Variants in IL12RB2 observed in about 807,000 individuals in gnomAD.
IL12RB2 encodes interleukin-12 receptor subunit beta-2.
A neutral mutation model predicts 89.4 loss-of-function variants in IL12RB2; 82 were observed. The ratio of observed to expected loss-of-function variants is 0.92; its 90% confidence interval spans 0.77 to 1.10. The LOEUF is 1.10. IL12RB2 is among the 50% of genes least tolerant of loss of function. IL12RB2 has a pLI of 0.00. For missense variants in IL12RB2, 963 were observed against 1,031.9 expected (o/e 0.93, Z 0.92); for synonymous variants, 368 against 370.1 (o/e 0.99, Z 0.07).
chr1:67,325,385 C>T (rs989839011), intron 4 of IL12RB2, among the ~76,000 whole-genome samples: 7 of 150,876 alleles, frequency 4.6e-5, no homozygotes, highest in Non-Finnish European at 7.3e-5. Flanking sequence ...GCCTCAGCCT[C>T]CTCAGTAGCT....
intron 9 of IL12RB2, among the ~76,000 whole-genome samples, chr1:67,344,356 G>T (rs1185701818): frequency 6.6e-6 from 1 of 152,148 alleles, no homozygotes. Context: ...GCAGTGGCGT[G>T]ATCTTGGCTC....
intron 15 of IL12RB2, among the ~76,000 whole-genome samples, chr1:67,389,503 A>G (rs1665581957): frequency 6.6e-6 from 1 of 152,198 alleles, no homozygotes; most frequent in Non-Finnish European, 1.5e-5. Flanking sequence ...GCCAAATACA[A>G]TCACTGTTAA....
intron 1 of IL12RB2, among the ~76,000 whole-genome samples, chr1:67,313,219 C>CCAT (rs17838100): frequency 0.17 from 25,916 of 152,180 alleles, 2,478 homozygotes; most frequent in African/African-American, 0.26. Context: ...GGAATAGCAT[C>CCAT]AGATACGGTT....
rs1176253967 is a variant in IL12RB2 at position 67,397,043 on chromosome 1, G to A, written c.*954G>A. On this transcript the variant is annotated 3_prime_UTR_variant, in exon 17 of 17. Transcript: ENST00000674203. ...GTCCCAGCTACTCGGGAGGCTGAGG[G>A]AGGAGAATGACATGAACCTGGGAGG... The A allele has an allele frequency of 2.0e-5, 3 of 151,816 alleles. No individual in the cohort carries two copies. The highest frequency in any genetic ancestry group is 7.3e-5 in the African/African-American group (3 of 41,280). 9.4% of individuals were successfully genotyped at this position (151,816 alleles called of 1,614,324 possible).
At chr1:67,395,440 G>A in intron 16 of IL12RB2, 107 bp from the exon 17 acceptor site, 1 of 1,605,168 alleles carries the variant, frequency 6.2e-7, no homozygotes, top group Non-Finnish European at 8.5e-7. Context: ...TTCCAGCCAG[G>A]GCTGAGGAGA....
Position 67,309,802 on chromosome 1 carries a change from A to C in IL12RB2, c.-125+1835A>C, listed in dbSNP as rs191366849. Reference sequence around the variant, plus strand: ...TGTGGACTTATTTTTGTATTGCTGCACCTGCTTTGTTCTCTACCAAATTAT... The same window carrying C: ...TGTGGACTTATTTTTGTATTGCTGCCCCTGCTTTGTTCTCTACCAAATTAT... On this transcript the variant is annotated intron_variant, in intron 1 of 16. Transcript: ENST00000674203. Among the ~76,000 whole-genome samples the C allele has an allele frequency of 3.2e-3, 492 of 152,284 alleles. 1 individual carries two copies. Among genetic ancestry groups the C allele is most frequent in the Non-Finnish European group, 4.9e-3 (331 of 68,028 alleles).
chr1:67,387,872 T>A (rs1275669489), intron 15 of IL12RB2, among the ~76,000 whole-genome samples: 1 of 151,804 alleles, frequency 6.6e-6, no homozygotes, highest in Non-Finnish European at 1.5e-5. Context: ...ATATATAATA[T>A]AAAAGTCAAA....
At chr1:67,329,045 A>G (rs1657703432) in intron 6 of IL12RB2, among the ~76,000 whole-genome samples, 1 of 152,130 alleles carries the variant, frequency 6.6e-6, no homozygotes, top group African/African-American at 2.4e-5. Context: ...CTGCATACAT[A>G]TTGCTAACGA....
chr1:67,389,396 T>C, intron 15 of IL12RB2, among the ~76,000 whole-genome samples: 1 of 152,226 alleles, frequency 6.6e-6, no homozygotes, highest in East Asian at 1.9e-4. Flanking sequence ...TTTCATATTG[T>C]TCATGAACTT....
chr1:67,382,581 T>C (rs1664717631), intron 14 of IL12RB2, among the ~76,000 whole-genome samples: 2 of 152,212 alleles, frequency 1.3e-5, no homozygotes, highest in Non-Finnish European at 2.9e-5. Flanking sequence ...GACCAGACTT[T>C]CTGCAGTCGC....
chr1:67,385,790 T>C (rs1393246852), intron 14 of IL12RB2, among the ~76,000 whole-genome samples: 1 of 152,220 alleles, frequency 6.6e-6, no homozygotes, highest in Non-Finnish European at 1.5e-5. Flanking sequence ...TTGCTAAAAT[T>C]AATAGCTACT....
intron 15 of IL12RB2, among the ~76,000 whole-genome samples, chr1:67,386,939 T>A (rs1403196621): frequency 6.3e-5 from 8 of 126,424 alleles, no homozygotes; most frequent in South Asian, 2.6e-4. Flanking sequence ...CCCAAAAAAA[T>A]TTTTTTGAGA....
intron 1 of IL12RB2, among the ~76,000 whole-genome samples, chr1:67,310,926 T>A (rs112496926): frequency 0.035 from 5,394 of 152,248 alleles, 127 homozygotes; most frequent in Admixed American, 0.065. Flanking sequence ...AGTTTCACCA[T>A]GTTGGTTAGG....
chr1:67,368,603 C>T (rs754799565), intron 11 of IL12RB2, among the ~76,000 whole-genome samples: 5 of 152,140 alleles, frequency 3.3e-5, no homozygotes, highest in Admixed American at 6.5e-5. Flanking sequence ...AGTGAGAGAA[C>T]GCATCTGAAA....
Position 67,330,794 on chromosome 1 carries a change from A to G in IL12RB2, c.942A>G (p.Ala314=). The change falls in exon 8 of 17, where the codon GCA becomes GCG. Residue 314 remains alanine, a synonymous_variant. Coordinates refer to ENST00000674203, the MANE Select transcript of IL12RB2 (RefSeq NM_001374259.2). ...SWSDWSESLR[A]QTPEEEPTGM... is the part of the protein sequence containing the mutation. ...GTGATTGGAGTGAATCATTGAGAGC[A>G]CAAACACCAGAAGAAGGTATATGTC... is the stretch of plus-strand genomic sequence containing the variant. The G allele has an allele frequency of 6.4e-7, 1 of 1,574,068 alleles. No individual in the cohort carries two copies. Among genetic ancestry groups the G allele is most frequent in the Non-Finnish European group, 8.7e-7 (1 of 1,143,596 alleles).
rs1281862412 is a variant in IL12RB2, at chr1:67,321,778, C to T, written c.253C>T (p.Leu85Phe). The T allele has an allele frequency of 1.2e-6, 2 of 1,611,272 alleles. No homozygotes were observed. The highest frequency in any genetic ancestry group is 1.7e-6 in the Non-Finnish European group (2 of 1,177,464). Reference sequence around the variant, plus strand: ...AATCAATTTTCACCATGGCCACTCCCTCAATTCTCAAGTCACAGGTCTTCC... The same window carrying T: ...AATCAATTTTCACCATGGCCACTCCTTCAATTCTCAAGTCACAGGTCTTCC... ...RRINFHHGHSLNSQVTGLPLG... is the reference protein window; with the variant it reads ...RRINFHHGHSFNSQVTGLPLG... The change falls in exon 4 of 17, where the codon CTC becomes TTC. Residue 85 changes from leucine to phenylalanine, a missense_variant. By Grantham distance (22) the Leu-to-Phe change is conservative. Coordinates refer to ENST00000674203, the MANE Select transcript of IL12RB2 (RefSeq NM_001374259.2).
chr1:67,355,699 T>C (rs543448977), intron 10 of IL12RB2, among the ~76,000 whole-genome samples: 4 of 152,312 alleles, frequency 2.6e-5, no homozygotes, highest in African/African-American at 9.6e-5. Flanking sequence ...AAATGCCTTC[T>C]GAACGTTATA....
chr1:67,386,872 T>TTATA (rs1179774666), intron 15 of IL12RB2, among the ~76,000 whole-genome samples: 3,690 of 44,614 alleles, frequency 0.083, 92 homozygotes, highest in Non-Finnish European at 0.093. Context: ...GAAATGTATT[T>TTATA]TATATATATA....
At position 67,320,446 on chromosome 1, in the gene IL12RB2, T is replaced by G. The variant is rs757519323; in HGVS notation, c.76+2T>G. ...GGCTGTTGATTAAAGCAAAAATAGG[T>G]AAGATATTTCTGTAAGTTACTCTGT... On this transcript the variant is annotated splice_donor_variant, in intron 3 of 16. Transcript: ENST00000674203. LOFTEE classifies it high-confidence loss of function. 1.9e-6 allele frequency: 3 copies of G among 1,613,654 alleles called. No individual in the cohort carries two copies. The African/African-American group carries it at 4.0e-5, about 22-fold the overall frequency.
Sources: allele counts gnomAD v4.1 joint callset (sites outside exome capture counted in the v4.1 genomes callset), GRCh38; gene constraint gnomAD v4.1.1; transcripts MANE v1.5; gene names NCBI Gene and HGNC (gene_info 2026-07-23, HGNC 2026-07-21).